Variants in LGR4 observed in about 807,000 individuals in gnomAD.
LGR4 encodes leucine-rich repeat-containing G protein-coupled receptor 4.
LGR4 carries 44 observed loss-of-function variants against 84.8 expected under a neutral mutation model. That is an observed-to-expected ratio of 0.52 (90% CI 0.41 to 0.67). LGR4 has a LOEUF of 0.67. LGR4 is among the 30% of genes least tolerant of loss of function. The pLI, the probability that LGR4 is intolerant of heterozygous loss-of-function variation, is 0.00. For missense variants in LGR4, 1,032 were observed against 1,131.4 expected (o/e 0.91, Z 1.26); for synonymous variants, 429 against 434.3 (o/e 0.99, Z 0.15).
intron 2 of LGR4, among the ~76,000 whole-genome samples, chr11:27,398,479 T>C (rs1287661552): frequency 2.6e-5 from 4 of 152,248 alleles, no homozygotes; most frequent in African/African-American, 9.6e-5. Context: ...GCTGGAATTC[T>C]AGCCAAGAAT....
intron 1 of LGR4, among the ~76,000 whole-genome samples, chr11:27,456,281 A>G (rs1439364526): frequency 6.6e-6 from 1 of 150,960 alleles, no homozygotes; most frequent in Non-Finnish European, 1.5e-5. Flanking sequence ...AGTCTGTAAA[A>G]CATTAACAGC....
chr11:27,412,727 A>G, intron 2 of LGR4, 62 bp downstream of exon 2: 1 of 1,008,312 alleles, frequency 9.9e-7, no homozygotes, highest in Non-Finnish European at 1.6e-6. Context: ...CTCTGTAGCA[A>G]AAGCTTCCAA....
intron 1 of LGR4, among the ~76,000 whole-genome samples, chr11:27,440,197 C>A (rs781170196): frequency 6.6e-6 from 1 of 152,096 alleles, no homozygotes; most frequent in Non-Finnish European, 1.5e-5. Flanking sequence ...TGAGCCACTG[C>A]ACCCAGCCTT....
chr11:27,380,806 G>A (rs898825113), intron 8 of LGR4, 89 bp downstream of exon 8: 9 of 1,175,682 alleles, frequency 7.7e-6, no homozygotes, highest in Non-Finnish European at 1.1e-5. Flanking sequence ...CTAAAATCCT[G>A]ACTTCTCATT....
intron 1 of LGR4, among the ~76,000 whole-genome samples, chr11:27,440,434 C>T (rs1864286434): frequency 6.6e-6 from 1 of 152,106 alleles, no homozygotes; most frequent in African/African-American, 2.4e-5. Context: ...GAGAGTCTTT[C>T]TATTTTTGAG....
intron 1 of LGR4, among the ~76,000 whole-genome samples, chr11:27,433,087 T>C (rs1405679932): frequency 6.6e-6 from 1 of 152,252 alleles, no homozygotes; most frequent in Non-Finnish European, 1.5e-5. Context: ...TTAATGTTTA[T>C]ATTTTATAAA....
At chr11:27,423,424 T>C (rs1258637747) in intron 1 of LGR4, among the ~76,000 whole-genome samples, 1 of 152,144 alleles carries the variant, frequency 6.6e-6, no homozygotes, top group East Asian at 1.9e-4. Context: ...GCGTGCAGAC[T>C]CCCCTCCCAA....
chr11:27,414,939 A>C (rs1760903374), intron 1 of LGR4, among the ~76,000 whole-genome samples: 1 of 152,114 alleles, frequency 6.6e-6, no homozygotes, highest in Non-Finnish European at 1.5e-5. Flanking sequence ...TTATTCATGG[A>C]GGAGTCTACC....
chr11:27,381,541 G>A (rs1863093641), intron 7 of LGR4, among the ~76,000 whole-genome samples: 1 of 152,046 alleles, frequency 6.6e-6, no homozygotes, highest in African/African-American at 2.4e-5. Context: ...AATTAGCTGG[G>A]CGTGGTGGTG....
chr11:27,371,097 C>T (rs1024404566), intron 17 of LGR4, among the ~76,000 whole-genome samples: 1 of 152,140 alleles, frequency 6.6e-6, no homozygotes, highest in East Asian at 1.9e-4. Context: ...TTGTAGCACA[C>T]AATTTGACTA....
At chr11:27,428,542 C>T (rs189570656) in intron 1 of LGR4, among the ~76,000 whole-genome samples, 10 of 152,266 alleles carry the variant, frequency 6.6e-5, no homozygotes, top group Non-Finnish European at 8.8e-5. Flanking sequence ...ACATGTCTTG[C>T]TTGGAAGTAT....
chr11:27,456,946 A>AT (rs1044015828), intron 1 of LGR4, among the ~76,000 whole-genome samples: 10 of 150,966 alleles, frequency 6.6e-5, no homozygotes, highest in Non-Finnish European at 1.5e-5. Flanking sequence ...TTCTGTTCTG[A>AT]TTTTTTTTTC....
chr11:27,469,859 G>A (rs1291514557), intron 1 of LGR4, among the ~76,000 whole-genome samples: 2 of 152,156 alleles, frequency 1.3e-5, no homozygotes, highest in East Asian at 3.9e-4. Context: ...CTAGGTGATC[G>A]CAACATGTCC....
chr11:27,392,296 A>G, intron 3 of LGR4, 151 bp downstream of exon 3: 1 of 547,794 alleles, frequency 1.8e-6, no homozygotes, highest in Non-Finnish European at 3.1e-6. Flanking sequence ...GCCTAAATCA[A>G]ACTCTGGCCT....
intron 2 of LGR4, among the ~76,000 whole-genome samples, chr11:27,404,485 T>C (rs564638810): frequency 1.3e-5 from 2 of 152,300 alleles, no homozygotes; most frequent in East Asian, 3.9e-4. Context: ...ATTAAACAAA[T>C]GTTTCCCACA....
At chr11:27,464,018 G>C (rs1864731963) in intron 1 of LGR4, among the ~76,000 whole-genome samples, 1 of 152,194 alleles carries the variant, frequency 6.6e-6, no homozygotes, top group African/African-American at 2.4e-5. Flanking sequence ...AAGAGCACAT[G>C]AACAGTTTCC....
chr11:27,466,190 G>GTT (rs1362084402), intron 1 of LGR4, among the ~76,000 whole-genome samples: 2 of 152,032 alleles, frequency 1.3e-5, no homozygotes, highest in Non-Finnish European at 2.9e-5. Context: ...ATTTGGCAGG[G>GTT]TTTTAACTTT....
At chr11:27,382,738 G>C (rs1290506839) in intron 6 of LGR4, among the ~76,000 whole-genome samples, 1 of 152,144 alleles carries the variant, frequency 6.6e-6, no homozygotes, top group Non-Finnish European at 1.5e-5. Context: ...TCAGAAGGAG[G>C]CCAGGCACAG....
At chr11:27,420,801 A>T (rs1863912149) in intron 1 of LGR4, among the ~76,000 whole-genome samples, 1 of 152,128 alleles carries the variant, frequency 6.6e-6, no homozygotes, top group Admixed American at 6.6e-5. Flanking sequence ...CTTGTCAGAA[A>T]GAATATCATG....
Sources: gnomAD v4.1 joint callset for allele counts (sites outside exome capture counted in the v4.1 genomes callset) on GRCh38, gnomAD v4.1.1 for gene constraint, MANE v1.5 for transcripts, NCBI Gene and HGNC (gene_info 2026-07-23, HGNC 2026-07-21) for gene names.